Variants in MTAP observed in about 807,000 individuals in gnomAD.
The protein encoded by MTAP is methylthioadenosine phosphorylase.
Under a neutral mutation model 33.6 loss-of-function variants are expected in MTAP, and 33 were observed. The ratio of observed to expected loss-of-function variants is 0.98; its 90% confidence interval spans 0.74 to 1.31. MTAP has a LOEUF of 1.31. Ranked by LOEUF, MTAP falls within the 40% of genes most tolerant of loss-of-function variation. The pLI, the probability that MTAP is intolerant of heterozygous loss-of-function variation, is 0.00. For missense variants in MTAP, 367 were observed against 360.0 expected (o/e 1.02, Z -0.16); for synonymous variants, 148 against 125.7 (o/e 1.18, Z -1.19).
chr9:21,897,287 A>C (rs980628534), intron 1 of MTAP, among the ~76,000 whole-genome samples: 2 of 152,234 alleles, frequency 1.3e-5, no homozygotes, highest in African/African-American at 2.4e-5. Flanking sequence ...CTGAATGGGC[A>C]AAAACTGGAA....
At chr9:21,915,705 T>TATC (rs1818677194) in intron 1 of MTAP, among the ~76,000 whole-genome samples, 1 of 152,010 alleles carries the variant, frequency 6.6e-6, no homozygotes, top group African/African-American at 2.4e-5. Context: ...GACTATGGTG[T>TATC]TGAGAATATA....
intron 1 of MTAP, among the ~76,000 whole-genome samples, chr9:21,925,520 C>T (rs768979168): frequency 1.3e-5 from 2 of 152,194 alleles, no homozygotes; most frequent in Non-Finnish European, 2.9e-5. Flanking sequence ...CCTAAAAATC[C>T]ACCAGCCCTC....
At chr9:21,913,743 A>G (rs1330097412) in intron 1 of MTAP, among the ~76,000 whole-genome samples, 2 of 152,220 alleles carry the variant, frequency 1.3e-5, no homozygotes, top group African/African-American at 4.8e-5. Context: ...CTAAAACACC[A>G]AAAGCAATGG....
intron 5 of MTAP, among the ~76,000 whole-genome samples, chr9:21,840,304 G>A (rs1033861168): frequency 6.6e-6 from 1 of 152,002 alleles, no homozygotes. Flanking sequence ...GAGACACTAT[G>A]ATCTTTTGTT....
At chr9:21,858,684 G>A (rs1013575687) in intron 6 of MTAP, among the ~76,000 whole-genome samples, 1 of 152,142 alleles carries the variant, frequency 6.6e-6, no homozygotes, top group Admixed American at 6.5e-5. Flanking sequence ...CCCACAATTC[G>A]ACATGAGATT....
chr9:21,914,398 T>C lies in MTAP; in HGVS notation c.148-16610T>C, dbSNP rs1587293504. On this transcript the variant is annotated intron_variant, in intron 1 of 1. Coordinates refer to the MTAP transcript ENST00000577563. ...AACCGACCCAAATGTCCATCAATGA[T>C]AGACCTGATAAAGAAAATGTTGTAC... Among the ~76,000 whole-genome samples the C allele has an allele frequency of 2.0e-5, 3 of 152,182 alleles. 1 individual carries two copies. The highest frequency in any genetic ancestry group is 7.2e-5 in the African/African-American group (3 of 41,508).
At chr9:21,842,401 A>C (rs920409357) in intron 5 of MTAP, among the ~76,000 whole-genome samples, 1 of 152,232 alleles carries the variant, frequency 6.6e-6, no homozygotes, top group African/African-American at 2.4e-5. Flanking sequence ...CAAGAAGCTC[A>C]AAGAACACCT....
chr9:21,803,945 C>G (rs895022184), intron 1 of MTAP, among the ~76,000 whole-genome samples: 1 of 152,190 alleles, frequency 6.6e-6, no homozygotes, highest in Non-Finnish European at 1.5e-5. Flanking sequence ...TGCATCCAGA[C>G]TTATATATGA....
intron 4 of MTAP, among the ~76,000 whole-genome samples, chr9:21,835,664 GTGC>G: frequency 6.6e-6 from 1 of 152,052 alleles, no homozygotes; most frequent in East Asian, 1.9e-4. Context: ...AGGAGGACTG[GTGC>G]TATTAAAATT....
chr9:21,878,294 T>C (rs1826039827), intron 1 of MTAP, among the ~76,000 whole-genome samples: 1 of 152,082 alleles, frequency 6.6e-6, no homozygotes, highest in African/African-American at 2.4e-5. Context: ...GTTATTCTTT[T>C]AAAGAAAAAA....
intron 4 of MTAP, among the ~76,000 whole-genome samples, chr9:21,818,779 G>A (rs530009081): frequency 2.0e-5 from 3 of 152,246 alleles, no homozygotes; most frequent in African/African-American, 7.2e-5. Context: ...ATCATCTTTA[G>A]TGGTGAGAAC....
At chr9:21,919,429 T>C (rs998110073) in intron 1 of MTAP, among the ~76,000 whole-genome samples, 1 of 152,182 alleles carries the variant, frequency 6.6e-6, no homozygotes, top group African/African-American at 2.4e-5. Flanking sequence ...TTTCTTTTTC[T>C]ATAAAAGGAG....
At chr9:21,890,742 T>A (rs1031283911) in intron 1 of MTAP, among the ~76,000 whole-genome samples, 2 of 152,184 alleles carry the variant, frequency 1.3e-5, no homozygotes, top group Non-Finnish European at 2.9e-5. Context: ...AGTGAGGATG[T>A]GTGTTTGGAG....
At position 21,816,097 on chromosome 9, in the gene MTAP, A is replaced by G. The variant is rs576675518; in HGVS notation, c.120+578A>G. The stretch of plus-strand genomic sequence containing the variant: ...AGGGTGTCTGCATTCTCCTAATTCC[A>G]TATTGCTACGTCCTCTGGTCCATCT... On this transcript the variant is annotated intron_variant, in intron 2 of 7. Coordinates refer to ENST00000644715, the MANE Select transcript of MTAP (RefSeq NM_002451.4). 8.5e-5 allele frequency among the ~76,000 whole-genome samples: 13 copies of G among 152,254 alleles called. No individual in the cohort carries two copies. In the East Asian group the frequency reaches 2.5e-3, roughly 29 times the overall value.
intron 1 of MTAP, among the ~76,000 whole-genome samples, chr9:21,879,298 T>C (rs762567369): frequency 5.7e-4 from 87 of 152,276 alleles, no homozygotes; most frequent in Non-Finnish European, 9.0e-4. Flanking sequence ...CCTTTACCAT[T>C]ATATAATGCC....
At chr9:21,907,312 C>T (rs931432862) in intron 1 of MTAP, among the ~76,000 whole-genome samples, 2 of 152,178 alleles carry the variant, frequency 1.3e-5, no homozygotes, top group Non-Finnish European at 2.9e-5. Context: ...TTTGGGAGGC[C>T]AAGGCAGGCC....
intron 1 of MTAP, among the ~76,000 whole-genome samples, chr9:21,807,212 CAAG>C (rs1280668937): frequency 6.6e-6 from 1 of 152,058 alleles, no homozygotes; most frequent in Non-Finnish European, 1.5e-5. Flanking sequence ...GTTGCTGTGA[CAAG>C]GAGGGGATAT....
At chr9:21,808,019 G>A (rs879353812) in intron 1 of MTAP, among the ~76,000 whole-genome samples, 2 of 152,204 alleles carry the variant, frequency 1.3e-5, no homozygotes, top group African/African-American at 2.4e-5. Flanking sequence ...TTCTCAAAGC[G>A]TGTCATGCAT....
intron 1 of MTAP, chr9:21,803,154 C>G (rs1035244223): frequency 2.4e-6 from 1 of 417,814 alleles, no homozygotes; most frequent in East Asian, 3.7e-5. Flanking sequence ...AACCACTCTT[C>G]TTCCAAGAAA....
Sources: gnomAD v4.1 joint callset for allele counts (sites outside exome capture counted in the v4.1 genomes callset) on GRCh38, gnomAD v4.1.1 for gene constraint, MANE v1.5 for transcripts, NCBI Gene and HGNC (gene_info 2026-07-23, HGNC 2026-07-21) for gene names.